Variants in APBA2 observed in about 807,000 individuals in gnomAD.
The protein encoded by APBA2 is amyloid beta precursor protein binding family A member 2.
APBA2 carries 30 observed loss-of-function variants against 75.0 expected under a neutral mutation model. That is an observed-to-expected ratio of 0.40 (90% CI 0.30 to 0.54). The LOEUF is 0.54. Ranked by LOEUF, APBA2 falls within the 20% of genes least tolerant of loss-of-function variation. The pLI, the probability that APBA2 is intolerant of heterozygous loss-of-function variation, is 0.49. For missense variants in APBA2, 801 were observed against 1,016.1 expected (o/e 0.79, Z 2.88); for synonymous variants, 444 against 409.6 (o/e 1.08, Z -1.01).
At chr15:28,955,284 C>T (rs557450269) in intron 2 of APBA2, among the ~76,000 whole-genome samples, 10 of 152,190 alleles carry the variant, frequency 6.6e-5, no homozygotes, top group African/African-American at 1.7e-4. Context: ...ACTCACTTGG[C>T]GATCTGCCTG....
intron 1 of APBA2, among the ~76,000 whole-genome samples, chr15:28,890,992 G>A (rs2032092622): frequency 6.6e-6 from 1 of 152,114 alleles, no homozygotes; most frequent in Non-Finnish European, 1.5e-5. Context: ...GTTGTTTTGT[G>A]TTTCAAGGAT....
chr15:29,013,532 C>T (rs971525382), intron 3 of APBA2, among the ~76,000 whole-genome samples: 2 of 152,144 alleles, frequency 1.3e-5, no homozygotes, highest in East Asian at 1.9e-4. Flanking sequence ...CCACCCACCT[C>T]GGCCTCCCAA....
chr15:28,958,816 CT>C (rs370050186), intron 2 of APBA2, among the ~76,000 whole-genome samples: 203 of 147,626 alleles, frequency 1.4e-3, no homozygotes, highest in Middle Eastern at 3.6e-3. Context: ...TTATTCCCAA[CT>C]TTTTTTTTTT....
intron 1 of APBA2, among the ~76,000 whole-genome samples, chr15:28,913,494 A>G (rs757997228): frequency 2.1e-4 from 32 of 152,080 alleles, no homozygotes; most frequent in Non-Finnish European, 4.1e-4. Flanking sequence ...CAGGTTTGCA[A>G]GCCACTCCCT....
chr15:29,066,765 T>G (rs1397653647), intron 4 of APBA2, among the ~76,000 whole-genome samples: 2 of 152,178 alleles, frequency 1.3e-5, no homozygotes, highest in Non-Finnish European at 2.9e-5. Flanking sequence ...GGTTTTTCAG[T>G]GAATAACTGG....
intron 12 of APBA2, among the ~76,000 whole-genome samples, chr15:29,107,608 G>A: frequency 6.6e-6 from 1 of 152,194 alleles, no homozygotes; most frequent in Non-Finnish European, 1.5e-5. Context: ...TCTGCCCGAT[G>A]GGCAGCCACA....
At chr15:29,020,795 A>G (rs1183749935) in intron 3 of APBA2, among the ~76,000 whole-genome samples, 1 of 152,138 alleles carries the variant, frequency 6.6e-6, no homozygotes, top group African/African-American at 2.4e-5. Flanking sequence ...GGGCAACAAG[A>G]GTGAGACTCC....
At chr15:28,984,932 T>TCTCTCC (rs2037836384) in intron 2 of APBA2, among the ~76,000 whole-genome samples, 2 of 151,280 alleles carry the variant, frequency 1.3e-5, no homozygotes, top group South Asian at 2.1e-4. Context: ...TCTCTCTCTC[T>TCTCTCC]CTCTCCCTCT....
intron 3 of APBA2, among the ~76,000 whole-genome samples, chr15:29,017,441 C>T (rs1475751402): frequency 1.5e-5 from 2 of 137,278 alleles, no homozygotes; most frequent in Non-Finnish European, 3.1e-5. Flanking sequence ...CTCTCTGTTG[C>T]CCACTGCAAC....
intron 2 of APBA2, among the ~76,000 whole-genome samples, chr15:28,935,910 T>A (rs2034839445): frequency 6.6e-6 from 1 of 152,210 alleles, no homozygotes; most frequent in Non-Finnish European, 1.5e-5. Flanking sequence ...TCAAAATGTA[T>A]GATTAGGCAG....
At chr15:28,900,486 G>T (rs1180191035) in intron 1 of APBA2, among the ~76,000 whole-genome samples, 3 of 152,192 alleles carry the variant, frequency 2.0e-5, no homozygotes, top group Non-Finnish European at 4.4e-5. Context: ...AAGCCTCCCT[G>T]TGGCTTTGTC....
At chr15:28,937,937 A>G (rs1372251097) in intron 2 of APBA2, among the ~76,000 whole-genome samples, 2 of 152,168 alleles carry the variant, frequency 1.3e-5, no homozygotes, top group African/African-American at 2.4e-5. Flanking sequence ...GATTACAGGC[A>G]TGAGCCACCG....
intron 1 of APBA2, among the ~76,000 whole-genome samples, chr15:28,904,769 T>C (rs1161248551): frequency 6.6e-6 from 1 of 152,184 alleles, no homozygotes; most frequent in East Asian, 1.9e-4. Context: ...CCCAGCTTCC[T>C]AGGCTGGCTG....
In APBA2 at chr15:29,070,728, G is replaced by A. The variant is rs1595889260; in HGVS notation, c.952-4193G>A. 1.3e-5 allele frequency: 3 copies of A among 228,180 alleles called. No individual in the cohort carries two copies. The East Asian group carries it at 3.6e-4, about 28-fold the overall frequency. The allele number at this position is 228,180 out of a possible 1,614,324, so 14.1% of individuals were successfully genotyped here. On this transcript the variant is annotated intron_variant, in intron 4 of 14. Transcript: ENST00000683413. The stretch of plus-strand genomic sequence containing the variant: ...CTGAGTGAGACCTTCCATCTGACCA[G>A]GGGGTCATGCTCTCACTGCTCCTGC...
intron 1 of APBA2, among the ~76,000 whole-genome samples, chr15:28,886,960 C>T (rs1409656758): frequency 2.0e-5 from 3 of 152,318 alleles, no homozygotes; most frequent in East Asian, 3.9e-4. Flanking sequence ...CATCGAGGCC[C>T]CCGGTCCCCA....
At chr15:29,091,228 C>T (rs561367750) in intron 6 of APBA2, among the ~76,000 whole-genome samples, 13 of 152,252 alleles carry the variant, frequency 8.5e-5, no homozygotes, top group African/African-American at 2.6e-4. Flanking sequence ...ATTTAAAAGC[C>T]GTGGGAGGAC....
chr15:28,957,267 G>A (rs1488497653), intron 2 of APBA2, among the ~76,000 whole-genome samples: 1 of 151,958 alleles, frequency 6.6e-6, no homozygotes, highest in African/African-American at 2.4e-5. Flanking sequence ...AGTAGAGACG[G>A]GGTTTCACTG....
chr15:29,009,560 C>A (rs967178790), intron 3 of APBA2, among the ~76,000 whole-genome samples: 1 of 152,130 alleles, frequency 6.6e-6, no homozygotes, highest in Non-Finnish European at 1.5e-5. Flanking sequence ...AGGGTCCTCT[C>A]CCAGCCATAA....
chr15:28,987,637 C>T (rs1213276184), intron 2 of APBA2, among the ~76,000 whole-genome samples: 3 of 150,098 alleles, frequency 2.0e-5, no homozygotes, highest in African/African-American at 7.4e-5. Context: ...TGTCTGTTCA[C>T]TAGAAGCAAG....
Sources: gnomAD v4.1 joint callset for allele counts (sites outside exome capture counted in the v4.1 genomes callset) on GRCh38, gnomAD v4.1.1 for gene constraint, MANE v1.5 for transcripts, NCBI Gene and HGNC (gene_info 2026-07-23, HGNC 2026-07-21) for gene names.